Variants in PGM3 observed in about 807,000 individuals in gnomAD.
The protein encoded by PGM3 is phosphoacetylglucosamine mutase.
Under a neutral mutation model 66.2 loss-of-function variants are expected in PGM3, and 40 were observed. The observed-to-expected ratio is 0.60, with a 90% CI of 0.47 to 0.79. PGM3 has a LOEUF of 0.79. Ranked by LOEUF, PGM3 falls within the 30% of genes least tolerant of loss-of-function variation. PGM3 has a pLI of 0.00. For synonymous variants in PGM3, 191 were observed against 224.2 expected, an observed-to-expected ratio of 0.85 and a Z score of 1.32; for missense variants, 537 against 643.4, an observed-to-expected ratio of 0.83 and a Z score of 1.79.
downstream of PGM3, chr6:83,156,196 T>C: frequency 2.0e-6 from 2 of 1,006,100 alleles, no homozygotes; most frequent in Non-Finnish European, 2.8e-6. Context: ...GGGTAAAATA[T>C]ATCAAGTGTA....
the PGM3 span, among the ~76,000 whole-genome samples, chr6:83,150,695 G>A: frequency 2.0e-5 from 3 of 152,110 alleles, no homozygotes; most frequent in Non-Finnish European, 4.4e-5. Flanking sequence ...AGTGAATATT[G>A]AGTAGACTCT....
chr6:83,170,336 A>G lies in PGM3; in HGVS notation c.1508T>C (p.Val503Ala), dbSNP rs1786847513. ...GTCTGCTTCTGCATATACTCGGACGACATCTTCTGTACCAGAGGGCCGGAC... is the reference window on the plus strand; with the variant it reads ...GTCTGCTTCTGCATATACTCGGACGGCATCTTCTGTACCAGAGGGCCGGAC... ...AFVRPSGTED[V>A]VRVYAEADSQ... The change falls in exon 12 of 13, where the codon GTC becomes GCC. Residue 503 changes from valine (V) to alanine (A), a missense_variant. Coordinates refer to ENST00000513973, the MANE Select transcript of PGM3 (RefSeq NM_015599.3). 2 of 1,614,192 alleles carry G rather than the reference A, an allele frequency of 1.2e-6. No homozygotes were observed. Among genetic ancestry groups the G allele is most frequent in the Non-Finnish European group, 8.5e-7 (1 of 1,180,026 alleles).
Position 83,166,699 on chromosome 6 carries a change from C to T in PGM3, c.*2535G>A. 1 of 1,231,908 alleles carries T rather than the reference C, an allele frequency of 8.1e-7. No individual in the cohort carries two copies. The highest frequency in any genetic ancestry group is 1.0e-6 in the Non-Finnish European group (1 of 987,326). 76.3% of individuals were successfully genotyped at this position (1,231,908 alleles called of 1,614,324 possible). A position where few individuals can be genotyped will look rare whatever the true frequency, so the allele number is the denominator to read the frequency against. Reference sequence around the variant, plus strand: ...GCACCAACCTAATATTTTCCTTTTTCAGGATTTTACTTTAAAATAAGCAAT... The same window carrying T: ...GCACCAACCTAATATTTTCCTTTTTTAGGATTTTACTTTAAAATAAGCAAT... On this transcript the variant is annotated 3_prime_UTR_variant, in exon 13 of 13. Transcript: ENST00000513973.
At position 83,168,008 on chromosome 6, in the gene PGM3, C is replaced by T. The variant is rs1246160173; in HGVS notation, c.*1226G>A. 6.2e-7 allele frequency: 1 copy of T among 1,614,048 alleles called. No individual in the cohort carries two copies. Among genetic ancestry groups the T allele is most frequent in the Non-Finnish European group, 8.5e-7 (1 of 1,180,036 alleles). ...AAGTCTTCAACAGCAAAGTCACAAG[C>T]CGATGTGGAGGACACTCAGGGAGTC... On this transcript the variant is annotated 3_prime_UTR_variant, in exon 13 of 13. Coordinates refer to ENST00000513973, the MANE Select transcript of PGM3 (RefSeq NM_015599.3).
At chr6:83,164,808 A>C, downstream of PGM3, 2 of 1,037,790 alleles carry the variant, frequency 1.9e-6, no homozygotes, top group Non-Finnish European at 2.8e-6. Flanking sequence ...CAACAAGTAC[A>C]AGGGAGGTAA....
At chr6:83,162,940 T>G (rs1213186789), downstream of PGM3, 2 of 1,605,300 alleles carry the variant, frequency 1.2e-6, no homozygotes. Context: ...CTTTTGTGAT[T>G]GTTTTGTTTT....
chr6:83,180,070 ATCTT>A, intron 6 of PGM3, 103 bp from the exon 7 acceptor site: 1 of 828,674 alleles, frequency 1.2e-6, no homozygotes, highest in Non-Finnish European at 1.8e-6. Flanking sequence ...CAATGTCTTA[ATCTT>A]AAATAGTGTA....
chr6:83,154,122 A>G, the PGM3 span: 1 of 1,608,718 alleles, frequency 6.2e-7, no homozygotes, highest in Non-Finnish European at 8.5e-7. Flanking sequence ...GGAAAGTTAG[A>G]ATACTGTTCT....
In PGM3 at chr6:83,169,123, A is replaced by G; in HGVS notation, c.*111T>C. ...AAAACAGATCTAGAGACAATCCAGT[A>G]GGCTGCATTGTAAACATTATGATTA... On this transcript the variant is annotated 3_prime_UTR_variant, in exon 13 of 13. Transcript: ENST00000513973. 6.6e-7 allele frequency: 1 copy of G among 1,515,420 alleles called. No individual in the cohort carries two copies. The highest frequency in any genetic ancestry group is 8.8e-7 in the Non-Finnish European group (1 of 1,131,220). 93.9% of individuals were successfully genotyped at this position (1,515,420 alleles called of 1,614,324 possible). A position where few individuals can be genotyped will look rare whatever the true frequency, so the allele number is the denominator to read the frequency against.
chr6:83,171,087 C>T (rs1015700402), intron 11 of PGM3: 1 of 152,400 alleles, frequency 6.6e-6, no homozygotes, highest in African/African-American at 2.4e-5. Context: ...CACCTGTAAT[C>T]CTAGCACTTT....
At chr6:83,178,794 G>T in intron 7 of PGM3, 38 bp from the exon 8 acceptor site, 1 of 1,152,264 alleles carries the variant, frequency 8.7e-7, no homozygotes, top group Non-Finnish European at 1.3e-6. Context: ...GCCATCAAAA[G>T]TATGGTCTAC....
chr6:83,160,151 C>A (rs1451964836), downstream of PGM3, among the ~76,000 whole-genome samples: 3 of 152,212 alleles, frequency 2.0e-5, no homozygotes, highest in Non-Finnish European at 4.4e-5. Flanking sequence ...ACAGACTATT[C>A]AGTCAACAGA....
chr6:83,190,744 G>T (rs2128508793), intron 2 of PGM3, 65 bp downstream of exon 2: 6 of 1,232,024 alleles, frequency 4.9e-6, no homozygotes, highest in Non-Finnish European at 7.2e-6. Context: ...AGGTCAATTT[G>T]CTCAGACACT....
At chr6:83,162,683 AT>A, downstream of PGM3, 1 of 1,306,994 alleles carries the variant, frequency 7.7e-7, no homozygotes, top group African/African-American at 1.5e-5. Context: ...TGGCATTTGA[AT>A]TTTTATAAGC....
chr6:83,159,868 C>T (rs771220772), downstream of PGM3: 9 of 1,614,084 alleles, frequency 5.6e-6, no homozygotes, highest in Admixed American at 1.0e-4. Flanking sequence ...CTTCATATAA[C>T]AGCCAGCGGT....
downstream of PGM3, among the ~76,000 whole-genome samples, chr6:83,163,822 T>C (rs1784795363): frequency 6.6e-6 from 1 of 152,138 alleles, no homozygotes. Context: ...TTAGAGAAAT[T>C]ATTTAAGGGG....
At chr6:83,149,846 G>T in the PGM3 span, among the ~76,000 whole-genome samples, 3 of 152,200 alleles carry the variant, frequency 2.0e-5, no homozygotes, top group Non-Finnish European at 2.9e-5. Context: ...TGATTGTCCA[G>T]AACCAAAGGG....
chr6:83,162,790 G>T (rs776744105), downstream of PGM3: 6 of 1,611,074 alleles, frequency 3.7e-6, no homozygotes, highest in Non-Finnish European at 5.1e-6. Context: ...CTATACATAG[G>T]TACCGATGGG....
rs1450091702 is a variant in PGM3, at chr6:83,182,955, G to C, written c.481C>G (p.Gln161Glu). ...FHDYGLLTTP[Q>E]LHYMVYCRNT... ...CGACAATACACCATGTAGTGCAGCT[G>C]GGGTGTTGTTAACAAGCCATAATCT... is the stretch of plus-strand genomic sequence containing the variant. Residue 161 changes from glutamine (Q) to glutamate (E), a missense_variant, in exon 5 of 13, where the codon CAG becomes GAG. Gln to Glu is a conservative substitution (Grantham distance 29). Transcript: ENST00000513973. 3 of 1,613,776 alleles carry C rather than the reference G, an allele frequency of 1.9e-6. No individual in the cohort carries two copies. The highest frequency in any genetic ancestry group is 1.7e-6 in the Non-Finnish European group (2 of 1,179,798).
Sources: gnomAD v4.1 joint callset for allele counts (sites outside exome capture counted in the v4.1 genomes callset) on GRCh38, gnomAD v4.1.1 for gene constraint, MANE v1.5 for transcripts, NCBI Gene and HGNC (gene_info 2026-07-23, HGNC 2026-07-21) for gene names.